NOL8: variants seen among roughly 807,000 people sequenced by gnomAD.
The protein encoded by NOL8 is nucleolar protein 8.
Under a neutral mutation model 116.1 loss-of-function variants are expected in NOL8, and 93 were observed. That is an observed-to-expected ratio of 0.80 (90% CI 0.68 to 0.95). NOL8 has a LOEUF of 0.95. Among genes scored for constraint, NOL8 ranks in the 40% least tolerant of loss-of-function variants. The probability of loss-of-function intolerance (pLI) is 0.00; values close to 1 mark genes in which losing one functional copy is unlikely to be tolerated. For missense variants in NOL8, 1,291 were observed against 1,382.8 expected, an observed-to-expected ratio of 0.93 and a Z score of 1.05; for synonymous variants, 419 against 469.0, an observed-to-expected ratio of 0.89 and a Z score of 1.38.
intron 12 of NOL8, among the ~76,000 whole-genome samples, chr9:92,304,156 T>C (rs1246598911): frequency 2.6e-5 from 4 of 152,262 alleles, no homozygotes; most frequent in Middle Eastern, 3.4e-3. Flanking sequence ...CCAGCACTTA[T>C]GAAAAGAGAA....
At position 92,316,156 on chromosome 9, in the gene NOL8, A is replaced by G; in HGVS notation, c.487-18T>C. 1 of 1,595,162 alleles carries G rather than the reference A, an allele frequency of 6.3e-7. No homozygotes were observed. The highest frequency in any genetic ancestry group is 1.3e-5 in the African/African-American group (1 of 74,096). ...TTGATGATGTTACGCAAGTCAAGAAACAAAACTAAAGCACTTGGTTTTAGG... is the reference window on the plus strand; with the variant it reads ...TTGATGATGTTACGCAAGTCAAGAAGCAAAACTAAAGCACTTGGTTTTAGG... On this transcript the variant is annotated intron_variant, in intron 6 of 16. Transcript: ENST00000442668.
At chr9:92,313,495 C>T (rs1839046275) in intron 7 of NOL8, among the ~76,000 whole-genome samples, 1 of 152,116 alleles carries the variant, frequency 6.6e-6, no homozygotes, top group African/African-American at 2.4e-5. Context: ...AACTCCTGTT[C>T]CAAAATAGAC....
chr9:92,313,749 G>A (rs1839077009), intron 7 of NOL8, among the ~76,000 whole-genome samples: 1 of 152,100 alleles, frequency 6.6e-6, no homozygotes, highest in Non-Finnish European at 1.5e-5. Context: ...ACTCAGCTCA[G>A]ACTACAGAAG....
At chr9:92,323,345 A>G in intron 3 of NOL8, 96 bp downstream of exon 3, 2 of 1,545,040 alleles carry the variant, frequency 1.3e-6, no homozygotes, top group Non-Finnish European at 1.7e-6. Context: ...GATAACGTGA[A>G]AAATGGCTGT....
chr9:92,316,855 C>T (rs996053097), intron 6 of NOL8, among the ~76,000 whole-genome samples: 1 of 152,058 alleles, frequency 6.6e-6, no homozygotes, highest in Admixed American at 6.6e-5. Flanking sequence ...CGACACTATC[C>T]GGGAAAGATT....
chr9:92,324,262 AACT>A (rs887083685), intron 1 of NOL8, 53 bp from the exon 2 acceptor site: 18 of 1,272,676 alleles, frequency 1.4e-5, no homozygotes, highest in Middle Eastern at 3.9e-4. Context: ...CTAACAAAAC[AACT>A]ACTTCCTCTG....
intron 10 of NOL8, among the ~76,000 whole-genome samples, chr9:92,309,508 AAAG>A (rs1838571146): frequency 6.6e-6 from 1 of 152,300 alleles, no homozygotes; most frequent in African/African-American, 2.4e-5. Context: ...GGAGAAAAAA[AAAG>A]AAGGGCAGAG....
intron 10 of NOL8, 73 bp from the exon 11 acceptor site, chr9:92,307,097 C>A: frequency 6.9e-7 from 1 of 1,449,302 alleles, no homozygotes; most frequent in Non-Finnish European, 9.4e-7. Context: ...CAAATATTTA[C>A]CAAGTACCTA....
chr9:92,297,700 G>C lies in NOL8; in HGVS notation c.*136C>G. The C allele has an allele frequency of 1.6e-6, 1 of 641,524 alleles. No individual in the cohort carries two copies. The highest frequency in any genetic ancestry group is 3.3e-5 in the Admixed American group (1 of 30,184). 39.7% of individuals were successfully genotyped at this position (641,524 alleles called of 1,614,324 possible). On this transcript the variant is annotated 3_prime_UTR_variant, in exon 17 of 17. Coordinates refer to ENST00000442668, the MANE Select transcript of NOL8 (RefSeq NM_017948.6). ...GTTCCACAGAAAAAGATGGCAACCA[G>C]AATGATATTCCGTCAGCCAGATTTT...
In NOL8 at chr9:92,315,729, T is replaced by G. The variant is rs753442952; in HGVS notation, c.896A>C (p.Asp299Ala). The G allele has an allele frequency of 6.2e-7, 1 of 1,613,230 alleles. No individual in the cohort carries two copies. The highest frequency in any genetic ancestry group is 8.5e-7 in the Non-Finnish European group (1 of 1,179,474). ...ETAKKRNSIS[D>A]DDTDSEDELR... ...TTCATCTTCAGAATCAGTATCATCA[T>G]CAGAAATGCTGTTTCTCTTCTTGGC... The change falls in exon 7 of 17, where the codon GAT becomes GCT. Residue 299 changes from aspartate to alanine, a missense_variant. Transcript: ENST00000442668.
intron 15 of NOL8, 148 bp downstream of exon 15, chr9:92,298,736 A>G: frequency 2.0e-6 from 1 of 506,548 alleles, no homozygotes; most frequent in East Asian, 3.3e-5. Flanking sequence ...TCAGACCTTG[A>G]CAGCTTTACA....
intron 6 of NOL8, among the ~76,000 whole-genome samples, chr9:92,317,677 CCT>C: frequency 6.6e-6 from 1 of 152,128 alleles, no homozygotes. Flanking sequence ...TATTATAATC[CCT>C]CTGTTTCAAA....
intron 7 of NOL8, among the ~76,000 whole-genome samples, chr9:92,312,827 CAAA>C (rs35089570): frequency 1.8e-4 from 10 of 55,450 alleles, no homozygotes; most frequent in African/African-American, 3.9e-4. Flanking sequence ...AACTCCATCT[CAAA>C]AAAAAAAAAA....
chr9:92,303,618 T>C (rs993836205), intron 12 of NOL8, among the ~76,000 whole-genome samples: 3 of 152,158 alleles, frequency 2.0e-5, no homozygotes, highest in Admixed American at 6.5e-5. Context: ...CAAAATTCTT[T>C]GTTAAGACCC....
intron 6 of NOL8, among the ~76,000 whole-genome samples, chr9:92,317,283 CCT>C (rs1364794176): frequency 1.3e-5 from 2 of 152,184 alleles, no homozygotes; most frequent in Non-Finnish European, 2.9e-5. Flanking sequence ...CTTGAAAGTC[CCT>C]TTTTTCAATA....
Position 92,311,081 on chromosome 9 carries a change from A to C in NOL8, c.2472+65T>G. On this transcript the variant is annotated intron_variant, in intron 8 of 16. Transcript: ENST00000442668. ...AGGAGGGTTTTATGTTGAGATTGCCAGTTGTTTGTGGTGTGGATCTGCAGA... is the reference window on the plus strand; with the variant it reads ...AGGAGGGTTTTATGTTGAGATTGCCCGTTGTTTGTGGTGTGGATCTGCAGA... The C allele has an allele frequency of 2.4e-6, 3 of 1,274,162 alleles. No individual in the cohort carries two copies. In the South Asian group the frequency reaches 3.8e-5, roughly 16 times the overall value. 78.9% of individuals were successfully genotyped at this position (1,274,162 alleles called of 1,614,324 possible).
chr9:92,301,491 A>T, intron 13 of NOL8, 60 bp downstream of exon 13: 1 of 1,292,596 alleles, frequency 7.7e-7, no homozygotes. Flanking sequence ...CTTAATGCAG[A>T]TTCAATCAAT....
chr9:92,303,809 TTA>T (rs1837971484), intron 12 of NOL8, among the ~76,000 whole-genome samples: 1 of 151,978 alleles, frequency 6.6e-6, no homozygotes, highest in Non-Finnish European at 1.5e-5. Context: ...GTCTCTAAGA[TTA>T]TACAAAAAAG....
At chr9:92,320,177 G>A (rs531134109) in intron 4 of NOL8, 17 of 455,890 alleles carry the variant, frequency 3.7e-5, no homozygotes, top group Non-Finnish European at 4.9e-5. Context: ...TCAAATCACC[G>A]CCACCTTCTT....
Sources: allele counts gnomAD v4.1 joint callset (sites outside exome capture counted in the v4.1 genomes callset), GRCh38; gene constraint gnomAD v4.1.1; transcripts MANE v1.5; gene names NCBI Gene and HGNC (gene_info 2026-07-23, HGNC 2026-07-21).